NR1D2: variants seen among roughly 807,000 people sequenced by gnomAD.
NR1D2 encodes the protein nuclear receptor subfamily 1 group D member 2.
A neutral mutation model predicts 52.2 loss-of-function variants in NR1D2; 25 were observed. The ratio of observed to expected loss-of-function variants is 0.48; its 90% confidence interval spans 0.35 to 0.67. The LOEUF is 0.67. Among genes scored for constraint, NR1D2 ranks in the 30% least tolerant of loss-of-function variants. NR1D2 has a pLI of 0.01. For synonymous variants in NR1D2, 259 were observed against 230.1 expected (o/e 1.13, Z -1.14); for missense variants, 681 against 707.2 (o/e 0.96, Z 0.42).
chr3:23,960,266 G>A (rs530717454), intron 4 of NR1D2, among the ~76,000 whole-genome samples: 16 of 152,234 alleles, frequency 1.1e-4, no homozygotes, highest in African/African-American at 3.1e-4. Flanking sequence ...TTAGCTGAGC[G>A]TGGTGGCATG....
intron 7 of NR1D2, among the ~76,000 whole-genome samples, chr3:23,972,719 C>T (rs534789999): frequency 6.6e-6 from 1 of 152,326 alleles, no homozygotes; most frequent in East Asian, 1.9e-4. Context: ...AAATTAAACT[C>T]TGCAGTACTA....
intron 1 of NR1D2, among the ~76,000 whole-genome samples, chr3:23,952,449 C>T (rs1222563095): frequency 6.6e-6 from 1 of 151,978 alleles, no homozygotes; most frequent in Non-Finnish European, 1.5e-5. Context: ...GTGGCTCACA[C>T]CTGTAATCTC....
At chr3:23,959,576 T>G (rs909679159) in intron 3 of NR1D2, 95 bp from the exon 4 acceptor site, 1 of 1,156,242 alleles carries the variant, frequency 8.6e-7, no homozygotes, top group Admixed American at 2.3e-5. Flanking sequence ...GGGACTGTAG[T>G]TCGTCATATA....
rs1288153450 is a variant in NR1D2 at position 23,978,560 on chromosome 3, T to G, written c.*1141T>G. 1 of 152,152 alleles carries G rather than the reference T, an allele frequency of 6.6e-6. No individual in the cohort carries two copies. Among genetic ancestry groups the G allele is most frequent in the East Asian group, 1.9e-4 (1 of 5,202 alleles). The allele number at this position is 152,152 out of a possible 1,614,324, so 9.4% of individuals were successfully genotyped here. A position where few individuals can be genotyped will look rare whatever the true frequency, so the allele number is the denominator to read the frequency against. On this transcript the variant is annotated 3_prime_UTR_variant, in exon 8 of 8. Coordinates refer to ENST00000312521, the MANE Select transcript of NR1D2 (RefSeq NM_005126.5). Reference sequence around the variant, plus strand: ...TTCAGGGTACTAGTTGTTTAAAAGTTGATTCATATTCTTACCTTGTGCTGA... The same window carrying G: ...TTCAGGGTACTAGTTGTTTAAAAGTGGATTCATATTCTTACCTTGTGCTGA...
chr3:23,955,944 C>G (rs1214255742), intron 2 of NR1D2, 93 bp from the exon 3 acceptor site: 5 of 837,576 alleles, frequency 6.0e-6, no homozygotes, highest in Admixed American at 3.7e-5. Flanking sequence ...TCTAAAAGCT[C>G]TTACACGTTG....
intron 7 of NR1D2, among the ~76,000 whole-genome samples, chr3:23,972,197 C>T (rs904395629): frequency 6.6e-6 from 1 of 152,120 alleles, no homozygotes; most frequent in South Asian, 2.1e-4. Flanking sequence ...CACAGTAGAT[C>T]CCTGTGAGCT....
chr3:23,974,139 C>T (rs1706662365), intron 7 of NR1D2, among the ~76,000 whole-genome samples: 1 of 117,306 alleles, frequency 8.5e-6, no homozygotes. Context: ...GGCGAGGTGG[C>T]TCATGCCTGT....
At chr3:23,952,956 G>GT (rs556626311) in intron 1 of NR1D2, among the ~76,000 whole-genome samples, 86 of 145,968 alleles carry the variant, frequency 5.9e-4, no homozygotes, top group Middle Eastern at 3.6e-3. Context: ...TTCTCTGCCT[G>GT]TTTTTTTTTT....
At chr3:23,954,015 T>C (rs1381096153) in intron 1 of NR1D2, among the ~76,000 whole-genome samples, 1 of 152,210 alleles carries the variant, frequency 6.6e-6, no homozygotes, top group East Asian at 1.9e-4. Flanking sequence ...ATTTTTTCTT[T>C]CTTTGAGATG....
chr3:23,959,259 A>G (rs900340339), intron 3 of NR1D2, among the ~76,000 whole-genome samples: 5 of 138,954 alleles, frequency 3.6e-5, no homozygotes, highest in East Asian at 4.0e-4. Context: ...ACGAGATCCT[A>G]TCTCAAAAAA....
In NR1D2 at chr3:23,965,048, G is replaced by A. The variant is rs1015691347; in HGVS notation, c.1218G>A (p.Ser406=). The A allele has an allele frequency of 6.2e-6, 10 of 1,613,880 alleles. 1 individual carries two copies. The South Asian group carries it at 7.7e-5, about 12-fold the overall frequency. ...KSGHEIWEEF[S]MSFTPAVKEV... ...GACATGAAATCTGGGAAGAATTTTC[G>A]ATGAGCTTCACTCCAGCAGTGAAAG... The change falls in exon 6 of 8, where the codon TCG becomes TCA. Residue 406 remains serine, a synonymous_variant. Transcript: ENST00000312521.
At chr3:23,960,126 T>G (rs2125289471) in intron 4 of NR1D2, among the ~76,000 whole-genome samples, 1 of 152,264 alleles carries the variant, frequency 6.6e-6, no homozygotes, top group South Asian at 2.1e-4. Flanking sequence ...ATTTTTTATA[T>G]GGCCGGGCAT....
At chr3:23,958,715 A>T (rs543298026) in intron 3 of NR1D2, among the ~76,000 whole-genome samples, 3 of 151,270 alleles carry the variant, frequency 2.0e-5, no homozygotes, top group African/African-American at 7.3e-5. Flanking sequence ...TGGGAGGCCA[A>T]GGTGGGCGGA....
At chr3:23,973,434 G>T (rs1706642377) in intron 7 of NR1D2, among the ~76,000 whole-genome samples, 1 of 152,234 alleles carries the variant, frequency 6.6e-6, no homozygotes, top group Non-Finnish European at 1.5e-5. Context: ...AAGTATTTGT[G>T]TATCTAAACA....
intron 3 of NR1D2, among the ~76,000 whole-genome samples, chr3:23,957,171 C>T (rs1238798085): frequency 6.6e-6 from 1 of 151,514 alleles, no homozygotes; most frequent in African/African-American, 2.4e-5. Flanking sequence ...TTAGTAGATT[C>T]GGGGTTTCAT....
At chr3:23,961,389 CTTTTTTTTTTTTT>C (rs869108010) in intron 4 of NR1D2, among the ~76,000 whole-genome samples, 4 of 75,988 alleles carry the variant, frequency 5.3e-5, no homozygotes, top group East Asian at 7.4e-4. Context: ...CTTTTTCTTT[CTTTTTTTTTTTTT>C]TTTTTTTTTT....
At chr3:23,947,816 A>T (rs1195144129) in intron 1 of NR1D2, among the ~76,000 whole-genome samples, 1 of 152,154 alleles carries the variant, frequency 6.6e-6, no homozygotes, top group Non-Finnish European at 1.5e-5. Context: ...CAGGAGGTCT[A>T]ATAAGAATTG....
At chr3:23,964,109 C>T (rs1176871753) in intron 5 of NR1D2, among the ~76,000 whole-genome samples, 3 of 150,254 alleles carry the variant, frequency 2.0e-5, no homozygotes, top group African/African-American at 4.9e-5. Context: ...GACGGAGTCT[C>T]ACTCTGTCAC....
At chr3:23,976,196 C>T (rs1706718638) in intron 7 of NR1D2, among the ~76,000 whole-genome samples, 1 of 152,152 alleles carries the variant, frequency 6.6e-6, no homozygotes, top group South Asian at 2.1e-4. Context: ...TTAATAAACA[C>T]AATATGCTAA....
Sources: allele counts gnomAD v4.1 joint callset (sites outside exome capture counted in the v4.1 genomes callset), GRCh38; gene constraint gnomAD v4.1.1; transcripts MANE v1.5; gene names NCBI Gene and HGNC (gene_info 2026-07-23, HGNC 2026-07-21).